Variants in BOC observed in about 807,000 individuals in gnomAD.
The protein encoded by BOC is brother of CDO.
In BOC, 76 loss-of-function variants were observed where a neutral mutation model predicts 112.0. The ratio of observed to expected loss-of-function variants is 0.68; its 90% CI spans 0.56 to 0.82. The LOEUF (loss-of-function observed/expected upper bound fraction) is 0.82. Ranked by LOEUF, BOC falls within the 40% of genes least tolerant of loss-of-function variation. The pLI is 0.00. For synonymous variants in BOC, 580 were observed against 599.8 expected (o/e 0.97, Z 0.48); for missense variants, 1,309 against 1,511.7 (o/e 0.87, Z 2.22).
At chr3:113,285,734 C>T (rs1949622439) in intron 19 of BOC, among the ~76,000 whole-genome samples, 169 bp downstream of exon 19, 1 of 152,244 alleles carries the variant, frequency 6.6e-6, no homozygotes, top group Admixed American at 6.5e-5. Flanking sequence ...CTTTCCTTCA[C>T]TGCTGAAGGC....
intron 2 of BOC, among the ~76,000 whole-genome samples, chr3:113,232,122 C>G (rs1343476747): frequency 6.6e-6 from 1 of 152,168 alleles, no homozygotes; most frequent in Non-Finnish European, 1.5e-5. Flanking sequence ...TGCTCCTTCC[C>G]TTCTTCATGC....
chr3:113,218,628 A>G (rs1939950384), intron 2 of BOC, among the ~76,000 whole-genome samples: 1 of 152,262 alleles, frequency 6.6e-6, no homozygotes, highest in South Asian at 2.1e-4. Context: ...TTTGTAGTGA[A>G]CAAGTTATAT....
intron 15 of BOC, among the ~76,000 whole-genome samples, chr3:113,283,032 C>T (rs936991072): frequency 1.4e-4 from 21 of 152,192 alleles, no homozygotes; most frequent in Middle Eastern, 3.2e-3. Flanking sequence ...TCTTGGGTGT[C>T]GGTAAATTCT....
chr3:113,251,917 G>C (rs938687744), intron 4 of BOC: 21 of 152,208 alleles, frequency 1.4e-4, no homozygotes, highest in African/African-American at 5.1e-4. Flanking sequence ...CAAGACAGGT[G>C]TTTCTAGTTG....
In BOC at chr3:113,211,558, G is replaced by A. The variant is rs568615482; in HGVS notation, c.-628G>A. The A allele has an allele frequency of 6.6e-6, 1 of 152,414 alleles. No individual in the cohort carries two copies. Among genetic ancestry groups the A allele is most frequent in the African/African-American group, 2.4e-5 (1 of 41,548 alleles). 9.4% of individuals were successfully genotyped at this position (152,414 alleles called of 1,614,324 possible). ...AAAGAAGGAATTGTTTGCGAGTTCA[G>A]TCATCCAAAAAGCTTCTTCCATATG... On this transcript the variant is annotated 5_prime_UTR_variant, in exon 1 of 20. Transcript: ENST00000682979.
At position 113,280,114 on chromosome 3, in the gene BOC, C is replaced by T. The variant is rs1949053789; in HGVS notation, c.2205+109C>T. ...CGAACAGGGCACCTGAAAGCTTCAT[C>T]AGTGGAATTTGGGAGGCTCTTAGTG... is the stretch of plus-strand genomic sequence containing the variant. On this transcript the variant is annotated intron_variant, in intron 13 of 19. Transcript: ENST00000682979. 4 of 1,206,204 alleles carry T rather than the reference C, an allele frequency of 3.3e-6. No homozygotes were observed. The Admixed American group carries it at 8.7e-5, about 26-fold the overall frequency. The allele number at this position is 1,206,204 out of a possible 1,614,324, so 74.7% of individuals were successfully genotyped here.
At chr3:113,234,325 C>T (rs1166693310) in intron 2 of BOC, among the ~76,000 whole-genome samples, 1 of 152,074 alleles carries the variant, frequency 6.6e-6, no homozygotes, top group Non-Finnish European at 1.5e-5. Context: ...GAGAACTGAC[C>T]TTCCCATGTA....
At chr3:113,248,599 T>A (rs1334714915) in intron 2 of BOC, among the ~76,000 whole-genome samples, 1 of 152,178 alleles carries the variant, frequency 6.6e-6, no homozygotes, top group East Asian at 1.9e-4. Context: ...TGATACCCCA[T>A]CCTTATTTGT....
In BOC at chr3:113,278,257, G is replaced by A; in HGVS notation, c.1705G>A (p.Gly569Arg). Residue 569 changes from glycine (G) to arginine (R), a missense_variant and splice_region_variant, in exon 10 of 20, where the codon GGA (glycine) becomes AGA (arginine). Physicochemically the swap from Gly to Arg is moderately radical, Grantham distance 125. Transcript: ENST00000682979. This position sits in a 1 kb window ranked among gnomAD's most constrained non-coding sequence, Gnocchi z 4.2. The stretch of plus-strand genomic sequence containing the variant: ...GACAGCCATGGTCACCTTCCGAACT[G>A]GTGAGAGTCAAACATTGCCCCTTGC... ...GQTAMVTFRT[G>R]RRPKPEIMAS... The A allele has an allele frequency of 6.2e-7, 1 of 1,614,116 alleles. No homozygotes were observed. Among genetic ancestry groups the A allele is most frequent in the Non-Finnish European group, 8.5e-7 (1 of 1,179,988 alleles).
At chr3:113,276,207 C>T (rs1000949132) in intron 9 of BOC, among the ~76,000 whole-genome samples, 3 of 152,222 alleles carry the variant, frequency 2.0e-5, no homozygotes, top group Admixed American at 6.5e-5. Context: ...TAATATTTTT[C>T]AGGCCAATAG....
intron 2 of BOC, among the ~76,000 whole-genome samples, chr3:113,221,183 G>A (rs773612744): frequency 6.6e-6 from 1 of 152,214 alleles, no homozygotes; most frequent in Non-Finnish European, 1.5e-5. Flanking sequence ...TTCACATAAA[G>A]CACACGAAAT....
intron 2 of BOC, among the ~76,000 whole-genome samples, chr3:113,238,019 A>G (rs908633756): frequency 1.3e-5 from 2 of 152,230 alleles, no homozygotes; most frequent in Non-Finnish European, 2.9e-5. Flanking sequence ...AGACAGATGC[A>G]TGATCAAAAC....
intron 2 of BOC, among the ~76,000 whole-genome samples, chr3:113,241,729 A>AG (rs777403549): frequency 6.6e-6 from 1 of 152,238 alleles, no homozygotes. Context: ...TCCCGGGGCA[A>AG]CACAGCCCCC....
At chr3:113,227,477 G>A (rs1941856518) in intron 2 of BOC, among the ~76,000 whole-genome samples, 1 of 152,222 alleles carries the variant, frequency 6.6e-6, no homozygotes, top group South Asian at 2.1e-4. Context: ...AGAGATTCAG[G>A]GAGATAGGCC....
intron 4 of BOC, among the ~76,000 whole-genome samples, chr3:113,254,393 C>T (rs12494864): frequency 0.26 from 39,639 of 151,816 alleles, 5,867 homozygotes; most frequent in East Asian, 0.46. Context: ...GAGGCAGCAA[C>T]GAGGTGGCGG....
intron 1 of BOC, among the ~76,000 whole-genome samples, chr3:113,215,199 G>A (rs1469880601): frequency 6.6e-6 from 1 of 152,192 alleles, no homozygotes; most frequent in Non-Finnish European, 1.5e-5. Context: ...TGGGGTTAGG[G>A]GGTGGGATGG....
rs923394464 is a variant in BOC at position 113,225,307 on chromosome 3, G to C, written c.-82+9033G>C. Among the ~76,000 whole-genome samples, 9 of 151,912 alleles carry C rather than the reference G, an allele frequency of 5.9e-5. No individual in the cohort carries two copies. In the South Asian group the frequency reaches 1.7e-3, roughly 28 times the overall value. On this transcript the variant is annotated intron_variant, in intron 2 of 19. Transcript: ENST00000682979. ...ACAACAAAAAAAAACCCCAACTTCTGTTTGGAATAAATAGAGAGCTGAGGC... is the reference window on the plus strand; with the variant it reads ...ACAACAAAAAAAAACCCCAACTTCTCTTTGGAATAAATAGAGAGCTGAGGC...
At chr3:113,281,402 T>C (rs1037836993) in intron 15 of BOC, among the ~76,000 whole-genome samples, 7 of 152,230 alleles carry the variant, frequency 4.6e-5, no homozygotes, top group African/African-American at 1.7e-4. Context: ...TAGACCTCAT[T>C]CTTAAGTTGG....
rs1948314310 is a variant in BOC, at chr3:113,273,118, C to T, written c.1011C>T (p.Gly337=). ...MELSQLVIPW[G]QSAKLTCEVR... The stretch of plus-strand genomic sequence containing the variant: ...TATCCCAGCTGGTCATCCCCTGGGG[C>T]CAGAGTGCCAAGCTTACCTGTGAGG... Residue 337 remains glycine (G), a synonymous_variant, in exon 8 of 20, where the codon GGC becomes GGT. Coordinates refer to ENST00000682979, the MANE Select transcript of BOC (RefSeq NM_001378074.1). The T allele has an allele frequency of 6.2e-7, 1 of 1,611,950 alleles. No individual in the cohort carries two copies. Among genetic ancestry groups the T allele is most frequent in the Non-Finnish European group, 8.5e-7 (1 of 1,178,310 alleles).
Sources: allele counts gnomAD v4.1 joint callset (sites outside exome capture counted in the v4.1 genomes callset), GRCh38; gene constraint gnomAD v4.1.1; non-coding constraint Gnocchi (gnomAD v3.1); transcripts MANE v1.5; gene names NCBI Gene and HGNC (gene_info 2026-07-23, HGNC 2026-07-21).